Variants in BTD observed in about 807,000 individuals in gnomAD.
The protein encoded by BTD is biocytinase.
A neutral mutation model predicts 17.7 loss-of-function variants in BTD; 13 were observed. That is an observed-to-expected ratio of 0.74 (90% confidence interval 0.48 to 1.17). BTD has a LOEUF of 1.17. BTD is among the 50% of genes most tolerant of loss of function. BTD has a pLI of 0.00. For missense variants in BTD, 674 were observed against 650.4 expected (o/e 1.04, Z -0.39); for synonymous variants, 240 against 245.2 (o/e 0.98, Z 0.20).
At chr3:15,703,831 A>T (rs1023222701) in intron 3 of BTD, among the ~76,000 whole-genome samples, 7 of 152,362 alleles carry the variant, frequency 4.6e-5, no homozygotes, top group East Asian at 1.9e-4. Context: ...AAAATATTTT[A>T]AAAAATTATA....
At chr3:15,618,530 T>G (rs1021662352) in intron 1 of BTD, among the ~76,000 whole-genome samples, 4 of 152,110 alleles carry the variant, frequency 2.6e-5, no homozygotes, top group African/African-American at 4.8e-5. Context: ...TTTTAAAATT[T>G]TTTTCTTTTT....
chr3:15,631,409 C>A, intron 1 of BTD: 1 of 1,497,936 alleles, frequency 6.7e-7, no homozygotes, highest in Non-Finnish European at 8.9e-7. Context: ...AATAATAATC[C>A]CTCTCATTTT....
chr3:15,614,900 A>C (rs934571732), intron 1 of BTD, among the ~76,000 whole-genome samples: 2 of 152,116 alleles, frequency 1.3e-5, no homozygotes, highest in African/African-American at 4.8e-5. Flanking sequence ...CCCAGCCAAC[A>C]ATATCTTATT....
rs1388747327 is a variant in BTD at position 15,651,277 on chromosome 3, A to G, written c.*5789A>G. On this transcript the variant is annotated 3_prime_UTR_variant, in exon 4 of 4. Coordinates refer to ENST00000643237, the MANE Select transcript of BTD (RefSeq NM_001370658.1). ...TCCACGAGGCTTTTTTCCTCTGAGC[A>G]GAAATTTCACTGTGATGCCAGTCAG... is the stretch of plus-strand genomic sequence containing the variant. Among the ~76,000 whole-genome samples, 1 of 152,240 alleles carries G rather than the reference A, an allele frequency of 6.6e-6. No individual in the cohort carries two copies. The highest frequency in any genetic ancestry group is 1.5e-5 in the Non-Finnish European group (1 of 68,048).
At chr3:15,636,978 C>T (rs1471496551) in intron 2 of BTD, among the ~76,000 whole-genome samples, 2 of 152,020 alleles carry the variant, frequency 1.3e-5, no homozygotes, top group African/African-American at 4.8e-5. Flanking sequence ...CCGTTTGTTC[C>T]AATGGTGGGA....
intron 3 of BTD, chr3:15,676,031 G>A: frequency 6.0e-6 from 9 of 1,502,686 alleles, no homozygotes; most frequent in South Asian, 1.2e-5. Context: ...ATGTGCATGT[G>A]CATGCACATA....
At chr3:15,608,681 A>C (rs2064528243) in intron 1 of BTD, among the ~76,000 whole-genome samples, 1 of 151,572 alleles carries the variant, frequency 6.6e-6, no homozygotes, top group South Asian at 2.1e-4. Flanking sequence ...CAGGAGAACC[A>C]CTTGAACCCA....
chr3:15,699,712 C>A (rs1170666162), intron 3 of BTD, among the ~76,000 whole-genome samples: 2 of 152,006 alleles, frequency 1.3e-5, no homozygotes, highest in East Asian at 1.9e-4. Context: ...TTAGAATGGC[C>A]ATCATTAAAA....
intron 3 of BTD, among the ~76,000 whole-genome samples, chr3:15,688,504 T>C (rs772488631): frequency 1.2e-4 from 18 of 152,214 alleles, no homozygotes; most frequent in Admixed American, 9.8e-4. Context: ...GTTCAAACCA[T>C]ATAGTAGTGT....
upstream of BTD, chr3:15,601,539 G>A (rs779132749): frequency 7.5e-6 from 12 of 1,605,588 alleles, no homozygotes; most frequent in East Asian, 4.5e-5. Context: ...ACGCGAAATC[G>A]GCAGCACGCC....
At chr3:15,686,497 A>G in intron 3 of BTD, 1 of 596,638 alleles carries the variant, frequency 1.7e-6, no homozygotes, top group Non-Finnish European at 2.9e-6. Flanking sequence ...AATAAATGTG[A>G]ATTCCTCACA....
chr3:15,601,458 C>T (rs147948152), upstream of BTD: 5 of 1,612,988 alleles, frequency 3.1e-6, no homozygotes, highest in African/African-American at 1.3e-5. Context: ...AGTTACTGTC[C>T]GGCATCTTCC....
At chr3:15,681,642 C>T (rs1048803235) in intron 3 of BTD, among the ~76,000 whole-genome samples, 5 of 152,186 alleles carry the variant, frequency 3.3e-5, no homozygotes, top group African/African-American at 1.2e-4. Context: ...ACTTAATCAG[C>T]TTAAACTTTA....
intron 1 of BTD, among the ~76,000 whole-genome samples, chr3:15,616,433 T>C (rs2064795217): frequency 6.6e-6 from 1 of 152,048 alleles, no homozygotes. Flanking sequence ...CTGACCAAAA[T>C]AGAGAAACCC....
chr3:15,631,582 C>T (rs2065206750), intron 1 of BTD: 7 of 1,159,310 alleles, frequency 6.0e-6, no homozygotes, highest in Non-Finnish European at 8.7e-6. Context: ...GTAATTGAGA[C>T]TGATTTTTCC....
exon 4 of BTD, among the ~76,000 whole-genome samples, chr3:15,710,509 G>A (rs752981475): frequency 1.3e-5 from 2 of 152,096 alleles, no homozygotes; most frequent in African/African-American, 4.8e-5. Context: ...GACTGTGCTG[G>A]TGTACTCTTG....
intron 3 of BTD, among the ~76,000 whole-genome samples, chr3:15,700,458 C>CAA (rs71045180): frequency 0.014 from 2,003 of 146,774 alleles, 47 homozygotes; most frequent in African/African-American, 0.04. Context: ...AGTATAATGA[C>CAA]AAAAAAAAAA....
intron 1 of BTD, among the ~76,000 whole-genome samples, chr3:15,626,304 C>G (rs942900977): frequency 1.3e-5 from 2 of 152,196 alleles, no homozygotes; most frequent in African/African-American, 4.8e-5. Context: ...GTAGCAGTCT[C>G]CTTCTACTTT....
chr3:15,640,011 C>T (rs867313655), intron 2 of BTD, among the ~76,000 whole-genome samples: 9 of 152,006 alleles, frequency 5.9e-5, no homozygotes, highest in South Asian at 2.1e-4. Flanking sequence ...GGCTGAGGCA[C>T]GAGAATTACT....
Sources: gnomAD v4.1 joint callset for allele counts (sites outside exome capture counted in the v4.1 genomes callset) on GRCh38, gnomAD v4.1.1 for gene constraint, MANE v1.5 for transcripts, NCBI Gene and HGNC (gene_info 2026-07-23, HGNC 2026-07-21) for gene names.